The following GTF3C6 variants were observed in gnomAD, a reference collection of about 807,000 sequenced individuals.
The protein encoded by GTF3C6 is general transcription factor IIIC subunit 6.
GTF3C6 carries 11 observed loss-of-function variants against 19.2 expected under a neutral mutation model. That is an observed-to-expected ratio of 0.57 (90% confidence interval 0.36 to 0.95). The LOEUF (loss-of-function observed/expected upper bound fraction) is 0.95. Ranked by LOEUF, GTF3C6 falls within the 40% of genes least tolerant of loss-of-function variation. GTF3C6 has a pLI of 0.01. For synonymous variants in GTF3C6, 87 were observed against 84.2 expected (o/e 1.03, Z -0.18); for missense variants, 222 against 254.7 (o/e 0.87, Z 0.87).
In GTF3C6 at chr6:110,961,904, TA is replaced by T. The variant is rs952238350; in HGVS notation, c.248-487del. Among the ~76,000 whole-genome samples the T allele has an allele frequency of 8.3e-4, 106 of 128,470 alleles. 1 individual carries two copies. The highest frequency in any genetic ancestry group is 2.6e-3 in the South Asian group (9 of 3,524). 84.3% of individuals were successfully genotyped at this position (128,470 alleles called of 152,430 possible). ...CCAGTTGTGCTTTCAACTGTTAACGTATTTTTTTTTTTTTCTTGAGACAGTT... is the reference window on the plus strand; with the variant it reads ...CCAGTTGTGCTTTCAACTGTTAACGTTTTTTTTTTTTTTCTTGAGACAGTT... On this transcript the variant is annotated intron_variant, in intron 4 of 5. Transcript: ENST00000329970.
chr6:110,959,269 TG>T lies in GTF3C6; in HGVS notation c.138+23del. ...AAGGTTTTGGTGAGTTTTCTAGACT[TG>T]GGGGGATTGTTCTAGAGTGTCTTAA... is the stretch of plus-strand genomic sequence containing the variant. On this transcript the variant is annotated intron_variant, in intron 2 of 5. Transcript: ENST00000329970. 4.9e-6 allele frequency: 7 copies of T among 1,422,326 alleles called. 1 individual carries two copies. Among genetic ancestry groups the T allele is most frequent in the Non-Finnish European group, 6.8e-6 (7 of 1,030,838 alleles). The allele number at this position is 1,422,326 out of a possible 1,614,324, so 88.1% of individuals were successfully genotyped here. A position where few individuals can be genotyped will look rare whatever the true frequency, so the allele number is the denominator to read the frequency against.
rs115151149 is a variant in GTF3C6, at chr6:110,958,824, G to A, written c.55G>A (p.Glu19Lys). The change falls in exon 1 of 6, where the codon GAG becomes AAG. Residue 19 changes from glutamate (E) to lysine (K), a missense_variant and splice_region_variant. By Grantham distance (56) the Glu-to-Lys change is moderately conservative. Transcript: ENST00000329970. ...AGAGGACGGAGAAGACGAGGAAGAG[G>A]AGGTAGTAAGCGCTACGCCAAAAGC... ...SPEDGEDEEE[E>K]EQLVLVELSG... 262 of 1,551,230 alleles carry A rather than the reference G, an allele frequency of 1.7e-4. 1 individual carries two copies. In the East Asian group the frequency reaches 5.5e-3, roughly 33 times the overall value.
rs34157069 is a variant in GTF3C6, at chr6:110,960,751, TAAAAA to T, written c.247+143_247+147del. ...TCCCAAACGTGACTCAGATTATAGT[TAAAAA>T]AAAAAAATGCCAGGCTGGGCCAGGT... On this transcript the variant is annotated intron_variant, in intron 4 of 5. Coordinates refer to ENST00000329970, the MANE Select transcript of GTF3C6 (RefSeq NM_138408.4). The T allele has an allele frequency of 2.2e-4, 138 of 633,926 alleles. 1 individual carries two copies. The South Asian group carries it at 2.8e-3, about 13-fold the overall frequency. 39.3% of individuals were successfully genotyped at this position (633,926 alleles called of 1,614,324 possible). A position where few individuals can be genotyped will look rare whatever the true frequency, so the allele number is the denominator to read the frequency against.
chr6:110,960,856 G>A (rs1562358201), intron 4 of GTF3C6, among the ~76,000 whole-genome samples: 1 of 151,942 alleles, frequency 6.6e-6, no homozygotes, highest in Non-Finnish European at 1.5e-5. Flanking sequence ...TTCGAGACCA[G>A]CCTGGCCAAC....
chr6:110,959,931 T>C (rs1445962095), intron 2 of GTF3C6, among the ~76,000 whole-genome samples: 1 of 151,514 alleles, frequency 6.6e-6, no homozygotes, highest in Non-Finnish European at 1.5e-5. Flanking sequence ...TACTCCAGCC[T>C]GGGCAACAAA....
chr6:110,960,045 G>A (rs1261521376), intron 2 of GTF3C6, among the ~76,000 whole-genome samples: 1 of 152,124 alleles, frequency 6.6e-6, no homozygotes, highest in Non-Finnish European at 1.5e-5. Flanking sequence ...AGGCTGAGGT[G>A]GGAGGATTGC....
chr6:110,967,736 T>TA lies in GTF3C6; in HGVS notation c.589dup (p.Ile197AsnfsTer4), dbSNP rs1259078867. 6.2e-7 allele frequency: 1 copy of TA among 1,613,842 alleles called. No individual in the cohort carries two copies. The highest frequency in any genetic ancestry group is 1.1e-5 in the South Asian group (1 of 90,996). On this transcript the variant is annotated frameshift_variant, in exon 6 of 6. Coordinates refer to ENST00000329970, the MANE Select transcript of GTF3C6 (RefSeq NM_138408.4). LOFTEE classifies it high-confidence loss of function. ...TAGAAGATTCTGGTCCTCTTATTGATATACCTTCTGAGACAGAAGGTTCTG... is the reference window on the plus strand; with the variant it reads ...TAGAAGATTCTGGTCCTCTTATTGATAATACCTTCTGAGACAGAAGGTTCTG...
chr6:110,960,998 A>G (rs1171693165), intron 4 of GTF3C6, among the ~76,000 whole-genome samples: 8 of 149,902 alleles, frequency 5.3e-5, no homozygotes, highest in South Asian at 2.2e-4. Context: ...GTGAGCCGAG[A>G]TCGCACCAGT....
At chr6:110,966,828 A>T (rs572924286) in intron 5 of GTF3C6, among the ~76,000 whole-genome samples, 60 of 140,094 alleles carry the variant, frequency 4.3e-4, no homozygotes, top group African/African-American at 1.6e-3. Context: ...GGAAAAAAAT[A>T]TGAATATCTA....
chr6:110,960,015 T>G (rs1021822041), intron 2 of GTF3C6, among the ~76,000 whole-genome samples: 1 of 152,010 alleles, frequency 6.6e-6, no homozygotes, highest in Non-Finnish European at 1.5e-5. Flanking sequence ...GGCATGCGCC[T>G]GTGGTCCCTG....
Position 110,958,790 on chromosome 6 carries a change from G to A in GTF3C6, c.21G>A (p.Glu7=). 2.6e-6 allele frequency: 4 copies of A among 1,551,132 alleles called. No homozygotes were observed. Among genetic ancestry groups the A allele is most frequent in the East Asian group, 4.9e-5 (2 of 40,998 alleles). Residue 7 remains glutamate (E), a synonymous_variant, in exon 1 of 6, where the codon GAG becomes GAA. Coordinates refer to ENST00000329970, the MANE Select transcript of GTF3C6 (RefSeq NM_138408.4). ...GGACCATGGCGGCGGCGGCGGACGAGCGGAGTCCAGAGGACGGAGAAGACG... is the reference window on the plus strand; with the variant it reads ...GGACCATGGCGGCGGCGGCGGACGAACGGAGTCCAGAGGACGGAGAAGACG... The part of the protein sequence containing the change: MAAAAD[E]RSPEDGEDEE...
At chr6:110,964,132 T>TG (rs1466197902) in intron 5 of GTF3C6, among the ~76,000 whole-genome samples, 2 of 152,166 alleles carry the variant, frequency 1.3e-5, no homozygotes, top group Non-Finnish European at 1.5e-5. Context: ...TGGAATGCAG[T>TG]GGTGTGATGT....
intron 5 of GTF3C6, among the ~76,000 whole-genome samples, chr6:110,963,578 GA>G (rs201436073): frequency 0.016 from 2,454 of 152,210 alleles, 28 homozygotes; most frequent in Non-Finnish European, 0.025. Context: ...TGTGTGGGGG[GA>G]AAAAACTTCC....
chr6:110,958,977 G>A, intron 1 of GTF3C6, 151 bp downstream of exon 1: 1 of 949,136 alleles, frequency 1.1e-6, no homozygotes, highest in Non-Finnish European at 1.6e-6. Flanking sequence ...GAGCCGGGCA[G>A]CTTGGGACCT....
intron 2 of GTF3C6, 141 bp downstream of exon 2, chr6:110,959,393 T>A: frequency 1.7e-6 from 1 of 580,570 alleles, no homozygotes; most frequent in Non-Finnish European, 3.0e-6. Context: ...AGAAGTATAC[T>A]AAGTATAATT....
intron 4 of GTF3C6, among the ~76,000 whole-genome samples, chr6:110,961,941 T>C (rs1771166377): frequency 6.6e-6 from 1 of 151,982 alleles, no homozygotes. Flanking sequence ...TTGCTTTTGT[T>C]GCCCAGGCTG....
chr6:110,962,384 T>A lies in GTF3C6; in HGVS notation c.248-8T>A. ...GAAGTATAATAATGTTGTTCATTTC[T>A]GTTCCAGCTGATACAGAAGGCAATA... On this transcript the variant is annotated splice_polypyrimidine_tract_variant and splice_region_variant and intron_variant, in intron 4 of 5. Transcript: ENST00000329970. The A allele has an allele frequency of 7.1e-7, 1 of 1,412,656 alleles. No individual in the cohort carries two copies. Among genetic ancestry groups the A allele is most frequent in the Non-Finnish European group, 1.0e-6 (1 of 998,150 alleles). The allele number at this position is 1,412,656 out of a possible 1,614,324, so 87.5% of individuals were successfully genotyped here.
At chr6:110,964,452 T>C (rs1771203165) in intron 5 of GTF3C6, among the ~76,000 whole-genome samples, 1 of 151,382 alleles carries the variant, frequency 6.6e-6, no homozygotes, top group Non-Finnish European at 1.5e-5. Flanking sequence ...ACCATGTTGG[T>C]CAGGCTGGTC....
chr6:110,959,384 G>C, intron 2 of GTF3C6, 132 bp downstream of exon 2: 1 of 623,976 alleles, frequency 1.6e-6, no homozygotes. Context: ...CTAAGGATAA[G>C]AAGTATACTA....
Sources: gnomAD v4.1 joint callset for allele counts (sites outside exome capture counted in the v4.1 genomes callset) on GRCh38, gnomAD v4.1.1 for gene constraint, MANE v1.5 for transcripts, NCBI Gene and HGNC (gene_info 2026-07-23, HGNC 2026-07-21) for gene names.